Variants in MIPOL1 observed in about 807,000 individuals in gnomAD.
MIPOL1 encodes mirror-image polydactyly 1.
A neutral mutation model predicts 60.9 loss-of-function variants in MIPOL1; 57 were observed. The observed-to-expected ratio is 0.94, with a 90% CI of 0.76 to 1.17. The LOEUF (loss-of-function observed/expected upper bound fraction) is 1.17, where lower values mean the gene tolerates loss of function less well. Ranked by LOEUF, MIPOL1 falls within the 50% of genes most tolerant of loss-of-function variation. MIPOL1 has a pLI of 0.00. For missense variants in MIPOL1, 551 were observed against 511.6 expected, an observed-to-expected ratio of 1.08 and a Z score of -0.74; for synonymous variants, 179 against 168.8, an observed-to-expected ratio of 1.06 and a Z score of -0.47.
intron 1 of MIPOL1, among the ~76,000 whole-genome samples, chr14:37,237,811 G>T (rs199610064): frequency 6.6e-6 from 1 of 152,168 alleles, no homozygotes; most frequent in East Asian, 1.9e-4. Context: ...AGGAAGGAGA[G>T]AATCTGTGTA....
chr14:37,489,098 C>G (rs1329030624), intron 11 of MIPOL1, among the ~76,000 whole-genome samples: 1 of 152,162 alleles, frequency 6.6e-6, no homozygotes, highest in Admixed American at 6.5e-5. Context: ...GTACACCAAT[C>G]AAAAGTAGAT....
At chr14:37,427,669 G>T (rs886188374) in intron 11 of MIPOL1, among the ~76,000 whole-genome samples, 1 of 151,870 alleles carries the variant, frequency 6.6e-6, no homozygotes, top group African/African-American at 2.4e-5. Context: ...AAGATTCCTG[G>T]GATGTACAAC....
chr14:37,473,655 G>A (rs1220515326), intron 11 of MIPOL1, among the ~76,000 whole-genome samples: 1 of 152,086 alleles, frequency 6.6e-6, no homozygotes, highest in Non-Finnish European at 1.5e-5. Context: ...AACCTCCCCA[G>A]CACACAGTTT....
intron 12 of MIPOL1, among the ~76,000 whole-genome samples, chr14:37,509,524 C>T (rs2153621681): frequency 6.6e-6 from 1 of 151,880 alleles, no homozygotes; most frequent in East Asian, 2.0e-4. Flanking sequence ...ACTCTGGGTG[C>T]TGGCAAGAGG....
At chr14:37,268,513 G>C in intron 4 of MIPOL1, 145 bp from the exon 5 acceptor site, 1 of 567,968 alleles carries the variant, frequency 1.8e-6, no homozygotes, top group South Asian at 2.4e-5. Context: ...TTAATATAAG[G>C]CCTTCAAAAA....
chr14:37,425,034 G>A (rs1236179434), intron 11 of MIPOL1, among the ~76,000 whole-genome samples: 1 of 152,192 alleles, frequency 6.6e-6, no homozygotes, highest in Non-Finnish European at 1.5e-5. Flanking sequence ...AAGTAATAAA[G>A]AGGCAGATAT....
intron 5 of MIPOL1, among the ~76,000 whole-genome samples, chr14:37,269,747 T>A (rs766628279): frequency 3.9e-5 from 6 of 152,196 alleles, no homozygotes; most frequent in Non-Finnish European, 8.8e-5. Flanking sequence ...GTGCTATCTG[T>A]TATTTTATTA....
At chr14:37,419,675 T>A (rs1458987647) in intron 10 of MIPOL1, among the ~76,000 whole-genome samples, 1 of 152,094 alleles carries the variant, frequency 6.6e-6, no homozygotes, top group African/African-American at 2.4e-5. Flanking sequence ...AAGTGTTTTC[T>A]TTGGCGCTGG....
intron 10 of MIPOL1, among the ~76,000 whole-genome samples, chr14:37,415,014 C>T (rs2093739817): frequency 6.6e-6 from 1 of 152,074 alleles, no homozygotes; most frequent in Non-Finnish European, 1.5e-5. Context: ...ACAGAGTAGT[C>T]TTCTTTGGGA....
intron 12 of MIPOL1, among the ~76,000 whole-genome samples, chr14:37,528,766 A>G (rs2095463181): frequency 6.6e-6 from 1 of 152,140 alleles, no homozygotes; most frequent in Non-Finnish European, 1.5e-5. Flanking sequence ...TTTTTTTATA[A>G]CTTTCAAAAA....
intron 11 of MIPOL1, among the ~76,000 whole-genome samples, chr14:37,424,854 G>A (rs1330119213): frequency 6.6e-6 from 1 of 152,180 alleles, no homozygotes; most frequent in Non-Finnish European, 1.5e-5. Flanking sequence ...GCTGCCATTA[G>A]AATAACCTGA....
intron 11 of MIPOL1, among the ~76,000 whole-genome samples, chr14:37,424,528 T>G (rs1405257788): frequency 1.3e-5 from 2 of 152,206 alleles, no homozygotes; most frequent in African/African-American, 2.4e-5. Context: ...AGCCGACACC[T>G]GATTCCAGAC....
rs1206718790 is a variant in MIPOL1 at position 37,401,401 on chromosome 14, C to T, written c.937-21454C>T. 2.6e-5 allele frequency: 4 copies of T among 152,032 alleles called. No individual in the cohort carries two copies. The East Asian group carries it at 7.7e-4, about 29-fold the overall frequency. The allele number at this position is 152,032 out of a possible 1,614,324, so 9.4% of individuals were successfully genotyped here. On this transcript the variant is annotated intron_variant, in intron 10 of 12. Transcript: ENST00000684589. ...TGCTAAATATATAGACATATCTAGG[C>T]AAAATATCTGTACACTAATGGTGAA...
At chr14:37,242,717 T>A (rs942528919) in intron 1 of MIPOL1, among the ~76,000 whole-genome samples, 1 of 152,082 alleles carries the variant, frequency 6.6e-6, no homozygotes. Flanking sequence ...CTTCTAAGGA[T>A]AGAGAGATGG....
chr14:37,477,882 G>A (rs959163890), intron 11 of MIPOL1, among the ~76,000 whole-genome samples: 12 of 152,222 alleles, frequency 7.9e-5, no homozygotes, highest in African/African-American at 2.9e-4. Flanking sequence ...TACATACATT[G>A]ATCACTGCGT....
intron 11 of MIPOL1, among the ~76,000 whole-genome samples, chr14:37,457,249 A>G (rs1404661085): frequency 1.3e-5 from 2 of 152,132 alleles, no homozygotes; most frequent in Non-Finnish European, 2.9e-5. Context: ...CTAAATCTGG[A>G]TAAAATCTTC....
intron 9 of MIPOL1, among the ~76,000 whole-genome samples, chr14:37,334,596 T>G (rs1394254791): frequency 1.3e-5 from 2 of 151,960 alleles, no homozygotes; most frequent in African/African-American, 4.8e-5. Flanking sequence ...TAGTCACTAC[T>G]ACAATTTTAG....
intron 10 of MIPOL1, among the ~76,000 whole-genome samples, chr14:37,415,522 G>A (rs910682640): frequency 2.0e-5 from 3 of 151,718 alleles, no homozygotes; most frequent in Non-Finnish European, 2.9e-5. Flanking sequence ...CCAGCTACTC[G>A]GGAGGCTGAG....
rs1392817392 is a variant in MIPOL1, at chr14:37,446,401, G to A, written c.1031+23452G>A. On this transcript the variant is annotated intron_variant, in intron 11 of 12. Transcript: ENST00000684589. Reference sequence around the variant, plus strand: ...ACCATCTCACACCAGTTAGAATGGCGATCATTAAAAAGTCAGGAAACAACA... The same window carrying A: ...ACCATCTCACACCAGTTAGAATGGCAATCATTAAAAAGTCAGGAAACAACA... Among the ~76,000 whole-genome samples the A allele has an allele frequency of 3.1e-3, 475 of 152,112 alleles. 4 individuals carry two copies. The highest frequency in any genetic ancestry group is 1.9e-3 in the Non-Finnish European group (129 of 67,978).
Sources: allele counts gnomAD v4.1 joint callset (sites outside exome capture counted in the v4.1 genomes callset), GRCh38; gene constraint gnomAD v4.1.1; transcripts MANE v1.5; gene names NCBI Gene and HGNC (gene_info 2026-07-23, HGNC 2026-07-21).